The following LMX1B variants were observed in gnomAD, a reference collection of about 807,000 sequenced individuals.
LMX1B encodes LIM homeobox transcription factor 1 beta.
LMX1B carries 12 observed loss-of-function variants against 51.4 expected under a neutral mutation model. That is an observed-to-expected ratio of 0.23 (90% CI 0.15 to 0.38). The LOEUF (loss-of-function observed/expected upper bound fraction) is 0.38, where lower values mean the gene tolerates loss of function less well. Ranked by LOEUF, LMX1B falls within the 10% of genes least tolerant of loss-of-function variation. The pLI, the probability that LMX1B is intolerant of heterozygous loss-of-function variation, is 1.00. For missense variants in LMX1B, 445 were observed against 571.1 expected (o/e 0.78, Z 2.25); for synonymous variants, 237 against 235.4 (o/e 1.01, Z -0.06).
chr9:126,645,876 G>C (rs372685323), intron 2 of LMX1B, among the ~76,000 whole-genome samples: 1 of 152,160 alleles, frequency 6.6e-6, no homozygotes, highest in Non-Finnish European at 1.5e-5. Context: ...AGGATGGGGT[G>C]GGGGAGAAGC....
intron 2 of LMX1B, among the ~76,000 whole-genome samples, chr9:126,643,829 T>C (rs1372995069): frequency 1.3e-5 from 2 of 152,224 alleles, no homozygotes; most frequent in Admixed American, 1.3e-4. Flanking sequence ...ATAACCTTTA[T>C]GGAGCACTTC....
intron 2 of LMX1B, among the ~76,000 whole-genome samples, chr9:126,666,928 A>G (rs1276324920): frequency 6.6e-6 from 1 of 152,228 alleles, no homozygotes; most frequent in Non-Finnish European, 1.5e-5. Context: ...CATTTCCAGA[A>G]GAGCTGGTCA....
chr9:126,649,908 G>T (rs1835968550), intron 2 of LMX1B, among the ~76,000 whole-genome samples: 1 of 152,240 alleles, frequency 6.6e-6, no homozygotes, highest in African/African-American at 2.4e-5. Flanking sequence ...GATTACAGGT[G>T]TGAGCCACCG....
At chr9:126,619,581 G>A (rs1051060820) in intron 2 of LMX1B, among the ~76,000 whole-genome samples, 1 of 152,232 alleles carries the variant, frequency 6.6e-6, no homozygotes, top group African/African-American at 2.4e-5. Flanking sequence ...TCTGGGGGCT[G>A]AGGCCCAAAG....
chr9:126,618,704 T>C lies in LMX1B; in HGVS notation c.326+3135T>C, dbSNP rs1835349681. On this transcript the variant is annotated intron_variant, in intron 2 of 7. Transcript: ENST00000373474. The surrounding 1 kb of genome is among the most constrained non-coding windows in gnomAD (Gnocchi z 4.5). ...ATCTTGGCGGCTTGGCCGAATAGAA[T>C]TATGTAACTCTCTTTTCTTGCCGTC... Among the ~76,000 whole-genome samples, 1 of 152,090 alleles carries C rather than the reference T, an allele frequency of 6.6e-6. No individual in the cohort carries two copies. Among genetic ancestry groups the C allele is most frequent in the African/African-American group, 2.4e-5 (1 of 41,406 alleles).
chr9:126,637,125 T>C (rs1377271240), intron 2 of LMX1B, among the ~76,000 whole-genome samples: 1 of 152,242 alleles, frequency 6.6e-6, no homozygotes, highest in Admixed American at 6.5e-5. Flanking sequence ...GCTGCAAGCA[T>C]ACCTGCCTTA....
chr9:126,654,740 GA>G (rs771897749), intron 2 of LMX1B, among the ~76,000 whole-genome samples: 4 of 152,242 alleles, frequency 2.6e-5, no homozygotes, highest in African/African-American at 4.8e-5. Context: ...GCCAGACTCT[GA>G]GCATGCCACG....
intron 2 of LMX1B, among the ~76,000 whole-genome samples, chr9:126,684,980 G>C (rs1038058090): frequency 6.6e-6 from 1 of 152,150 alleles, no homozygotes; most frequent in Non-Finnish European, 1.5e-5. Flanking sequence ...GTGCTAGCTG[G>C]CTGCCCATTT....
intron 6 of LMX1B, 46 bp downstream of exon 6, chr9:126,693,858 C>G (rs781308466): frequency 1.1e-6 from 1 of 932,622 alleles, no homozygotes; most frequent in Admixed American, 2.0e-5. Flanking sequence ...GAGCTGGGGC[C>G]GGGGCCAGGG....
chr9:126,627,844 A>G (rs1322082938), intron 2 of LMX1B, among the ~76,000 whole-genome samples: 1 of 152,140 alleles, frequency 6.6e-6, no homozygotes, highest in Admixed American at 6.5e-5. Context: ...CCCAAGCTGC[A>G]CGCTACCAGG....
rs1317776509 is a variant in LMX1B, at chr9:126,695,180, CG to C, written c.887-657del. 1.3e-5 allele frequency among the ~76,000 whole-genome samples: 2 copies of C among 152,180 alleles called. No individual in the cohort carries two copies. The highest frequency in any genetic ancestry group is 2.9e-5 in the Non-Finnish European group (2 of 68,020). The stretch of plus-strand genomic sequence containing the variant: ...CTTCCTCACCCACTGGCCCCAGCCT[CG>C]GTCTCCTCCTCCAGCCTTTCTCACC... On this transcript the variant is annotated intron_variant, in intron 6 of 7. Transcript: ENST00000373474. This position sits in a 1 kb window ranked among gnomAD's most constrained non-coding sequence, Gnocchi z 5.2.
chr9:126,687,278 G>C (rs1486357872), intron 2 of LMX1B, among the ~76,000 whole-genome samples: 1 of 151,772 alleles, frequency 6.6e-6, no homozygotes, highest in Non-Finnish European at 1.5e-5. Context: ...GCCCAGGCTG[G>C]AGTGCAGTGG....
At chr9:126,675,059 G>A (rs1340706836) in intron 2 of LMX1B, among the ~76,000 whole-genome samples, 1 of 152,150 alleles carries the variant, frequency 6.6e-6, no homozygotes, top group African/African-American at 2.4e-5. Flanking sequence ...TTGTTCCAAC[G>A]TAGAGTCATC....
intron 2 of LMX1B, among the ~76,000 whole-genome samples, chr9:126,617,331 C>G (rs951707741): frequency 6.6e-6 from 1 of 151,854 alleles, no homozygotes; most frequent in Non-Finnish European, 1.5e-5. Flanking sequence ...TACGACAACA[C>G]ATGGGGGAAG....
chr9:126,697,680 C>A lies in LMX1B; in HGVS notation c.*1229C>A, dbSNP rs1382823186. The A allele has an allele frequency of 6.6e-6, 1 of 152,390 alleles. No individual in the cohort carries two copies. Among genetic ancestry groups the A allele is most frequent in the African/African-American group, 2.4e-5 (1 of 41,454 alleles). The allele number at this position is 152,390 out of a possible 1,614,324, so 9.4% of individuals were successfully genotyped here. A position where few individuals can be genotyped will look rare whatever the true frequency, so the allele number is the denominator to read the frequency against. ...AGGCACATCACCTCTCCTGCTGTGG[C>A]ACCCTTCCTCTGTTAATTTGGCCCA... On this transcript the variant is annotated 3_prime_UTR_variant, in exon 8 of 8. Coordinates refer to ENST00000373474, the MANE Select transcript of LMX1B (RefSeq NM_001174147.2).
At chr9:126,639,148 A>G (rs985444703) in intron 2 of LMX1B, among the ~76,000 whole-genome samples, 1 of 151,324 alleles carries the variant, frequency 6.6e-6, no homozygotes, top group African/African-American at 2.4e-5. Context: ...GGACAAGAGA[A>G]AAGGAGAGGA....
In LMX1B at chr9:126,695,379, C is replaced by G. The variant is rs1278184452; in HGVS notation, c.887-460C>G. On this transcript the variant is annotated intron_variant, in intron 6 of 7. Coordinates refer to ENST00000373474, the MANE Select transcript of LMX1B (RefSeq NM_001174147.2). This position sits in a 1 kb window ranked among gnomAD's most constrained non-coding sequence, Gnocchi z 5.2. ...CACCCTCACTTACCCGGCGGTCTGT[C>G]TCCTCCATGCCTTTGCCGCCCCTCA... Among the ~76,000 whole-genome samples, 1 of 152,210 alleles carries G rather than the reference C, an allele frequency of 6.6e-6. No individual in the cohort carries two copies. The highest frequency in any genetic ancestry group is 1.5e-5 in the Non-Finnish European group (1 of 68,034).
intron 2 of LMX1B, among the ~76,000 whole-genome samples, chr9:126,688,108 A>C (rs576719008): frequency 1.3e-5 from 2 of 152,182 alleles, no homozygotes; most frequent in Non-Finnish European, 1.5e-5. Flanking sequence ...TTATTTCCTG[A>C]GTTTTTGCAA....
chr9:126,682,013 G>C (rs1216490230), intron 2 of LMX1B, among the ~76,000 whole-genome samples: 1 of 135,896 alleles, frequency 7.4e-6, no homozygotes. Context: ...AGCTCTACCT[G>C]CACCTTGTCC....
Sources: gnomAD v4.1 joint callset for allele counts (sites outside exome capture counted in the v4.1 genomes callset) on GRCh38, gnomAD v4.1.1 for gene constraint, Gnocchi (gnomAD v3.1) non-coding constraint, MANE v1.5 for transcripts, NCBI Gene and HGNC (gene_info 2026-07-23, HGNC 2026-07-21) for gene names.